The following SLC9A3 variants were observed in gnomAD, a reference collection of about 807,000 sequenced individuals.
The protein encoded by SLC9A3 is sodium/hydrogen exchanger 3.
Under a neutral mutation model 86.8 loss-of-function variants are expected in SLC9A3, and 37 were observed. The observed-to-expected ratio is 0.43, with a 90% CI of 0.33 to 0.56. The LOEUF (loss-of-function observed/expected upper bound fraction) is 0.56, where lower values mean the gene tolerates loss of function less well. Ranked by LOEUF, SLC9A3 falls within the 20% of genes least tolerant of loss-of-function variation. The probability of loss-of-function intolerance (pLI) is 0.06; values close to 1 mark genes in which losing one functional copy is unlikely to be tolerated. For missense variants in SLC9A3, 1,011 were observed against 1,171.9 expected (o/e 0.86, Z 2.00); for synonymous variants, 581 against 528.3 (o/e 1.10, Z -1.37).
chr5:507,186 T>TTTTTTTTTTTTG (rs1242074998), intron 1 of SLC9A3, among the ~76,000 whole-genome samples: 1 of 106,874 alleles, frequency 9.4e-6, no homozygotes, highest in Non-Finnish European at 1.9e-5. Context: ...TTTTTTTTTT[T>TTTTTTTTTTTTG]GAGACGGAGT....
intron 10 of SLC9A3, 90 bp downstream of exon 10, chr5:479,746 C>G: frequency 7.4e-7 from 1 of 1,346,490 alleles, no homozygotes; most frequent in East Asian, 2.3e-5. Context: ...GACGCGGGTG[C>G]AGGGGCCTCT....
chr5:475,353 C>T, intron 15 of SLC9A3: 1 of 619,170 alleles, frequency 1.6e-6, no homozygotes, highest in Non-Finnish European at 2.8e-6. Flanking sequence ...CATACCCCAC[C>T]TGCTCCCTGC....
In SLC9A3 at chr5:488,390, C is replaced by T. The variant is rs1429866997; in HGVS notation, c.601G>A (p.Glu201Lys). ...VDPVAVLAVF[E>K]EVHVNEVLFI... is the part of the protein sequence containing the mutation. The stretch of plus-strand genomic sequence containing the variant: ...AGGACCTCGTTGACATGGACCTCCT[C>T]AAACACGGCCAGGACGGCCACCGGG... The change falls in exon 3 of 17, where the codon GAG (glutamate) becomes AAG (lysine). Residue 201 changes from glutamate (E) to lysine (K), a missense_variant. Around this residue, in one of 3 missense-constraint regions of SLC9A3, gnomAD observed 565 missense variants for 790.0 expected, o/e 0.72. Coordinates refer to ENST00000264938, the MANE Select transcript of SLC9A3 (RefSeq NM_004174.4). The T allele has an allele frequency of 6.2e-7, 1 of 1,611,972 alleles. No homozygotes were observed. Among genetic ancestry groups the T allele is most frequent in the Admixed American group, 1.7e-5 (1 of 59,916 alleles).
At position 524,245 on chromosome 5, in the gene SLC9A3, C is replaced by CCCGGCCCGCG; in HGVS notation, c.68_77dup (p.Gly27AlafsTer178). 6.8e-7 allele frequency: 1 copy of CCCGGCCCGCG among 1,467,692 alleles called. No individual in the cohort carries two copies. 90.9% of individuals were successfully genotyped at this position (1,467,692 alleles called of 1,614,324 possible). A position where few individuals can be genotyped will look rare whatever the true frequency, so the allele number is the denominator to read the frequency against. ...CGCCGCCGGGCTCCACCTCGACGCC[C>CCCGGCCCGCG]CCGGCCCGCGCCAGCCCGCCCAGCG... On this transcript the variant is annotated frameshift_variant, in exon 1 of 17. Coordinates refer to ENST00000264938, the MANE Select transcript of SLC9A3 (RefSeq NM_004174.4). LOFTEE classifies it high-confidence loss of function.
In SLC9A3 at chr5:476,364, G is replaced by A. The variant is rs746344563; in HGVS notation, c.1905C>T (p.Tyr635=). 2 of 1,613,796 alleles carry A rather than the reference G, an allele frequency of 1.2e-6. No individual in the cohort carries two copies. Among genetic ancestry groups the A allele is most frequent in the Non-Finnish European group, 1.7e-6 (2 of 1,180,004 alleles). ...YKPRQEYKHL[Y]SRHELTPTED... is the part of the protein sequence containing the mutation. ...CCGTGGGCGTGAGCTCGTGTCGGCT[G>A]TACAGATGCTTGTACTGCGGGATCA... The change falls in exon 13 of 17, where the codon TAC becomes TAT. Residue 635 remains tyrosine, a synonymous_variant. Transcript: ENST00000264938.
intron 1 of SLC9A3, among the ~76,000 whole-genome samples, chr5:514,839 C>T (rs1733676243): frequency 6.6e-6 from 1 of 152,210 alleles, no homozygotes; most frequent in Non-Finnish European, 1.5e-5. Context: ...CTGCAGGTTC[C>T]CCGATCCACC....
intron 1 of SLC9A3, among the ~76,000 whole-genome samples, chr5:494,303 G>A (rs780885963): frequency 4.6e-5 from 7 of 152,208 alleles, no homozygotes; most frequent in Admixed American, 6.5e-5. Context: ...TGGGCTCCAC[G>A]GCCTGGTCCC....
intron 1 of SLC9A3, among the ~76,000 whole-genome samples, chr5:501,526 G>A (rs1232968478): frequency 3.3e-5 from 5 of 152,024 alleles, no homozygotes; most frequent in Admixed American, 2.6e-4. Flanking sequence ...ACAGGCAGGC[G>A]CAGACACATG....
At position 495,456 on chromosome 5, in the gene SLC9A3, G is replaced by A. The variant is rs373399365; in HGVS notation, c.212-3385C>T. Among the ~76,000 whole-genome samples the A allele has an allele frequency of 6.7e-4, 20 of 29,830 alleles. No homozygotes were observed. The East Asian group carries it at 0.011, about 16-fold the overall frequency. 19.6% of individuals were successfully genotyped at this position (29,830 alleles called of 152,430 possible). On this transcript the variant is annotated intron_variant, in intron 1 of 16. Transcript: ENST00000264938. ...ACCCTCCCCACGCTCCACTCCCCGC[G>A]CCATCGCCGACCCTCCCCACGCTCC... is the stretch of plus-strand genomic sequence containing the variant.
In SLC9A3 at chr5:477,294, C is replaced by G. The variant is rs200819638; in HGVS notation, c.1760+38G>C. The stretch of plus-strand genomic sequence containing the variant: ...GTGACTCTCAGCTCCCGAGGCTGGG[C>G]TCTTCCCCAGGGAAGCTGCATGACC... On this transcript the variant is annotated intron_variant, in intron 11 of 16. Coordinates refer to ENST00000264938, the MANE Select transcript of SLC9A3 (RefSeq NM_004174.4). 24 of 1,436,168 alleles carry G rather than the reference C, an allele frequency of 1.7e-5. No individual in the cohort carries two copies. In the East Asian group the frequency reaches 3.7e-4, roughly 22 times the overall value. The allele number at this position is 1,436,168 out of a possible 1,614,324, so 89.0% of individuals were successfully genotyped here.
At chr5:519,397 G>A (rs556270338) in intron 1 of SLC9A3, among the ~76,000 whole-genome samples, 13 of 152,292 alleles carry the variant, frequency 8.5e-5, no homozygotes, top group African/African-American at 2.4e-4. Flanking sequence ...GCGCATTGAG[G>A]GATTCCTGCC....
chr5:503,227 T>G (rs1363016064), intron 1 of SLC9A3, among the ~76,000 whole-genome samples: 1 of 151,666 alleles, frequency 6.6e-6, no homozygotes, highest in Non-Finnish European at 1.5e-5. Flanking sequence ...GAAAAAATGG[T>G]TTTTAAAGTA....
chr5:481,433 A>C lies in SLC9A3; in HGVS notation c.1517+132T>G, dbSNP rs1324123473. On this transcript the variant is annotated intron_variant, in intron 9 of 16. Coordinates refer to ENST00000264938, the MANE Select transcript of SLC9A3 (RefSeq NM_004174.4). ...CGGGGCACACCTGGCACCTGGCCTC[A>C]TGGGGCACCGGAGCCCTGACCAAGC... 5.0e-6 allele frequency: 4 copies of C among 797,860 alleles called. No individual in the cohort carries two copies. The Admixed American group carries it at 7.4e-5, about 15-fold the overall frequency. 49.4% of individuals were successfully genotyped at this position (797,860 alleles called of 1,614,324 possible).
rs12716163 is a variant in SLC9A3 at position 491,095 on chromosome 5, C to A, written c.514+674G>T. ...TTTGTTTGAGGCTGAGTTCTCAGAC[C>A]GGTGAGGGCGGCAGGTGCCGGAGGC... On this transcript the variant is annotated intron_variant, in intron 2 of 16. Transcript: ENST00000264938. This position sits in a 1 kb window ranked among gnomAD's most constrained non-coding sequence, Gnocchi z 9.2. Among the ~76,000 whole-genome samples the A allele has an allele frequency of 0.89, 134,832 of 152,226 alleles. 60,252 individuals carry two copies. The highest frequency in any genetic ancestry group is 0.95 in the Non-Finnish European group (64,594 of 68,006).
At chr5:488,795 C>T (rs1739587331) in intron 2 of SLC9A3, among the ~76,000 whole-genome samples, 2 of 152,194 alleles carry the variant, frequency 1.3e-5, no homozygotes, top group South Asian at 4.1e-4. Flanking sequence ...GGGATGGGGG[C>T]CCATCGCCTG....
rs1003243744 is a variant in SLC9A3, at chr5:496,274, G to A, written c.212-4203C>T. Among the ~76,000 whole-genome samples the A allele has an allele frequency of 6.6e-6, 1 of 152,336 alleles. No individual in the cohort carries two copies. The highest frequency in any genetic ancestry group is 1.5e-5 in the Non-Finnish European group (1 of 68,030). ...AGTCTTCAGGGTGTGTGTGTGTTGAGAGCTCACCTGTGTCCTCCTGCATGG... is the reference window on the plus strand; with the variant it reads ...AGTCTTCAGGGTGTGTGTGTGTTGAAAGCTCACCTGTGTCCTCCTGCATGG... On this transcript the variant is annotated intron_variant, in intron 1 of 16. Transcript: ENST00000264938. The surrounding 1 kb of genome is among the most constrained non-coding windows in gnomAD (Gnocchi z 4.7).
At position 479,861 on chromosome 5, in the gene SLC9A3, T is replaced by C. The variant is rs1477531183; in HGVS notation, c.1622A>G (p.Lys541Arg). The change falls in exon 10 of 17, where the codon AAG becomes AGG. Residue 541 changes from lysine (K) to arginine (R), a missense_variant. Physicochemically the swap from Lys to Arg is conservative, Grantham distance 26. This residue lies in a region of SLC9A3 where 565 missense variants were observed against 790.0 expected (regional missense o/e 0.72). Coordinates refer to ENST00000264938, the MANE Select transcript of SLC9A3 (RefSeq NM_004174.4). ...ILNVFHELNL[K>R]DAISYVAEGE... ...CTCAGCCACGTAGCTGATGGCATCC[T>C]TCAGGTTCAGCTCGTGGAAGACATT... 6.2e-7 allele frequency: 1 copy of C among 1,613,762 alleles called. No individual in the cohort carries two copies. The highest frequency in any genetic ancestry group is 1.7e-5 in the Admixed American group (1 of 60,028).
Position 471,450 on chromosome 5 carries a change from G to A in SLC9A3, c.*1929C>T. 3.1e-6 allele frequency: 1 copy of A among 326,434 alleles called. No individual in the cohort carries two copies. Among genetic ancestry groups the A allele is most frequent in the South Asian group, 2.5e-5 (1 of 40,358 alleles). 20.2% of individuals were successfully genotyped at this position (326,434 alleles called of 1,614,324 possible). A position where few individuals can be genotyped will look rare whatever the true frequency, so the allele number is the denominator to read the frequency against. On this transcript the variant is annotated 3_prime_UTR_variant, in exon 17 of 17. Coordinates refer to ENST00000264938, the MANE Select transcript of SLC9A3 (RefSeq NM_004174.4). Reference sequence around the variant, plus strand: ...AGACAGGCACTTGGAAGGCAGCTTTGCTCCTCTGGCCACCCGGAAACCTCC... The same window carrying A: ...AGACAGGCACTTGGAAGGCAGCTTTACTCCTCTGGCCACCCGGAAACCTCC...
rs776329879 is a variant in SLC9A3 at position 485,134 on chromosome 5, CT to C, written c.754+18del. ...GAGGAGACACGGCCGCCCACTCCCC[CT>C]GACCCACAGCTACACACCTATGCCC... On this transcript the variant is annotated intron_variant, in intron 4 of 16. Transcript: ENST00000264938. 13 of 1,599,500 alleles carry C rather than the reference CT, an allele frequency of 8.1e-6. No homozygotes were observed. Among genetic ancestry groups the C allele is most frequent in the Middle Eastern group, 1.7e-4 (1 of 6,038 alleles).
Sources: gnomAD v4.1 joint callset for allele counts (sites outside exome capture counted in the v4.1 genomes callset) on GRCh38, gnomAD v4.1.1 for gene constraint, gnomAD v4.1.1 regional missense constraint, Gnocchi (gnomAD v3.1) non-coding constraint, MANE v1.5 for transcripts, NCBI Gene and HGNC (gene_info 2026-07-23, HGNC 2026-07-21) for gene names.